The following TEPSIN variants were observed in gnomAD, a reference collection of about 807,000 sequenced individuals.
TEPSIN encodes the protein AP-4 complex accessory subunit tepsin.
TEPSIN carries 50 observed loss-of-function variants against 48.5 expected under a neutral mutation model. That is an observed-to-expected ratio of 1.03 (90% CI 0.82 to 1.31). The LOEUF is 1.31. Ranked by LOEUF, TEPSIN falls within the 50% of genes most tolerant of loss-of-function variation. The probability of loss-of-function intolerance (pLI) is 0.00; values close to 1 mark genes in which losing one functional copy is unlikely to be tolerated. For synonymous variants in TEPSIN, 392 were observed against 358.8 expected (o/e 1.09, Z -1.05); for missense variants, 838 against 815.9 (o/e 1.03, Z -0.33).
Position 81,233,839 on chromosome 17 carries a change from G to GA in TEPSIN, c.376-124_376-123insT. On this transcript the variant is annotated intron_variant, in intron 5 of 12. Transcript: ENST00000637944. This position sits in a 1 kb window ranked among gnomAD's most constrained non-coding sequence, Gnocchi z 5.8. ...CTCCTGAGCCACTCAGCTGGACACA[G>GA]GCTCTGTGTCCACCAGCAAGGAGCA... 6 of 1,369,654 alleles carry GA rather than the reference G, an allele frequency of 4.4e-6. No individual in the cohort carries two copies. The highest frequency in any genetic ancestry group is 5.9e-6 in the Non-Finnish European group (6 of 1,016,108). The allele number at this position is 1,369,654 out of a possible 1,614,324, so 84.8% of individuals were successfully genotyped here. A position where few individuals can be genotyped will look rare whatever the true frequency, so the allele number is the denominator to read the frequency against.
At chr17:81,231,825 A>T (rs368569485) in intron 9 of TEPSIN, 22 bp downstream of exon 9, 7 of 1,611,292 alleles carry the variant, frequency 4.3e-6, no homozygotes, top group Non-Finnish European at 1.7e-6. Flanking sequence ...CCTCTCCCAC[A>T]TATCTGGCAG....
chr17:81,237,014 C>T lies in TEPSIN; in HGVS notation c.179G>A (p.Arg60His), dbSNP rs142569879. Residue 60 changes from arginine (R) to histidine (H), a missense_variant, in exon 3 of 13, where the codon CGC (arginine) becomes CAC (histidine). By Grantham distance (29) the Arg-to-His change is conservative. Transcript: ENST00000637944. ...CCCGTGGCCGGAGCTGCTGTGCAGG[C>T]GGCTCAGGAGGTACTCCAGCAGGCA... ...SQCLLEYLLS[R>H]LHSSSGHGKL... The T allele has an allele frequency of 8.8e-6, 14 of 1,595,910 alleles. No homozygotes were observed. The highest frequency in any genetic ancestry group is 1.7e-5 in the Admixed American group (1 of 58,118).
intron 1 of TEPSIN, chr17:81,238,199 C>G (rs148545918): frequency 0.011 from 10,585 of 985,488 alleles, 70 homozygotes; most frequent in Non-Finnish European, 0.012. Context: ...GAAGTGTTTC[C>G]CGAGGCTGTG....
chr17:81,234,242 C>T lies in TEPSIN; in HGVS notation c.308-194G>A. ...GAGCAGACCCTCAGCTCCCCCTCAC[C>T]CATGCCCCACAGAGGCGAGACTCTC... On this transcript the variant is annotated intron_variant, in intron 4 of 12. Coordinates refer to ENST00000637944, the MANE Select transcript of TEPSIN (RefSeq NM_001363764.2). The surrounding 1 kb of genome is among the most constrained non-coding windows in gnomAD (Gnocchi z 5.4). The T allele has an allele frequency of 2.1e-6, 1 of 466,898 alleles. No individual in the cohort carries two copies. Among genetic ancestry groups the T allele is most frequent in the East Asian group, 3.5e-5 (1 of 28,200 alleles). The allele number at this position is 466,898 out of a possible 1,614,324, so 28.9% of individuals were successfully genotyped here. A position where few individuals can be genotyped will look rare whatever the true frequency, so the allele number is the denominator to read the frequency against.
Position 81,230,572 on chromosome 17 carries a change from G to T in TEPSIN, c.1205C>A (p.Pro402Gln), listed in dbSNP as rs749026874. 6.2e-7 allele frequency: 1 copy of T among 1,611,614 alleles called. No individual in the cohort carries two copies. Among genetic ancestry groups the T allele is most frequent in the African/African-American group, 1.3e-5 (1 of 74,814 alleles). Residue 402 changes from proline (P) to glutamine (Q), a missense_variant, in exon 12 of 13, where the codon CCG (proline) becomes CAG (glutamine). Pro to Gln is a moderately conservative substitution (Grantham distance 76). Transcript: ENST00000637944. This position sits in a 1 kb window ranked among gnomAD's most constrained non-coding sequence, Gnocchi z 4.2. The part of the protein sequence containing the change: ...PWLQELSMGS[P>Q]GPVTNKATKI... ...GGTGGCCTTGTTGGTCACAGGTCCC[G>T]GGCTGCCCATGCTGAGCTCCTGCAG...
Position 81,231,939 on chromosome 17 carries a change from G to T in TEPSIN, c.813C>A (p.Asn271Lys), listed in dbSNP as rs780868454. 1.2e-6 allele frequency: 2 copies of T among 1,613,654 alleles called. No individual in the cohort carries two copies. The highest frequency in any genetic ancestry group is 1.7e-6 in the Non-Finnish European group (2 of 1,180,004). Residue 271 changes from asparagine (N) to lysine (K), a missense_variant, in exon 9 of 13, where the codon AAC (asparagine) becomes AAA (lysine). Physicochemically the swap from Asn to Lys is moderately conservative, Grantham distance 94. Transcript: ENST00000637944. The stretch of plus-strand genomic sequence containing the variant: ...AGTCCGAGACCCTGCTCAGGTCGCT[G>T]TTCTGGGAGGAATTCTGAGAGCTGG... Reference protein sequence around the residue: ...SGPSSQNSSQNSDLSRVSDSG... With the variant: ...SGPSSQNSSQKSDLSRVSDSG...
intron 11 of TEPSIN, chr17:81,231,015 T>C: frequency 2.1e-6 from 1 of 479,894 alleles, no homozygotes. Context: ...CCCGATTGCC[T>C]TACCTTCATT....
At position 81,233,386 on chromosome 17, in the gene TEPSIN, C is replaced by T. The variant is rs1261071336; in HGVS notation, c.526+46G>A. On this transcript the variant is annotated intron_variant, in intron 7 of 12. Coordinates refer to ENST00000637944, the MANE Select transcript of TEPSIN (RefSeq NM_001363764.2). The surrounding 1 kb of genome is among the most constrained non-coding windows in gnomAD (Gnocchi z 5.8). ...GTCCGGCCCCCACCACCTCCTCATCCCCACACCCTGAGATGCCAGAGCCCA... is the reference window on the plus strand; with the variant it reads ...GTCCGGCCCCCACCACCTCCTCATCTCCACACCCTGAGATGCCAGAGCCCA... The T allele has an allele frequency of 6.2e-7, 1 of 1,600,430 alleles. No individual in the cohort carries two copies. The highest frequency in any genetic ancestry group is 1.7e-5 in the Admixed American group (1 of 58,614).
chr17:81,228,416 G>GT lies in TEPSIN; in HGVS notation c.*511_*512insA. 8.6e-5 allele frequency: 16 copies of GT among 185,284 alleles called. No homozygotes were observed. The highest frequency in any genetic ancestry group is 1.3e-4 in the Non-Finnish European group (12 of 90,184). The allele number at this position is 185,284 out of a possible 1,614,324, so 11.5% of individuals were successfully genotyped here. ...AGCCTAAAGGAGCAGGTGAGAGCCA[G>GT]GGAAGGATCACGTAGGGATCTGAGA... On this transcript the variant is annotated 3_prime_UTR_variant, in exon 13 of 13. Coordinates refer to ENST00000637944, the MANE Select transcript of TEPSIN (RefSeq NM_001363764.2).
At position 81,231,010 on chromosome 17, in the gene TEPSIN, T is replaced by C. The variant is rs566219192; in HGVS notation, c.1099-332A>G. The C allele has an allele frequency of 3.3e-4, 160 of 483,978 alleles. 1 individual carries two copies. The South Asian group carries it at 3.7e-3, about 11-fold the overall frequency. The allele number at this position is 483,978 out of a possible 1,614,324, so 30.0% of individuals were successfully genotyped here. A position where few individuals can be genotyped will look rare whatever the true frequency, so the allele number is the denominator to read the frequency against. ...AGAAGCACGTGACCTGCTGCCCCGATTGCCTTACCTTCATTCCTCCGCACG... is the reference window on the plus strand; with the variant it reads ...AGAAGCACGTGACCTGCTGCCCCGACTGCCTTACCTTCATTCCTCCGCACG... On this transcript the variant is annotated intron_variant, in intron 11 of 12. Transcript: ENST00000637944.
Position 81,237,091 on chromosome 17 carries a change from G to A in TEPSIN, c.122-20C>T, listed in dbSNP as rs915306430. 1 of 1,567,222 alleles carries A rather than the reference G, an allele frequency of 6.4e-7. No individual in the cohort carries two copies. Among genetic ancestry groups the A allele is most frequent in the Non-Finnish European group, 8.7e-7 (1 of 1,155,532 alleles). On this transcript the variant is annotated intron_variant, in intron 2 of 12. Coordinates refer to ENST00000637944, the MANE Select transcript of TEPSIN (RefSeq NM_001363764.2). ...AGATTTCTGCGGCACGCTCGGGTTA[G>A]GGAAGGGCGAGATGATGAGGGCTGC...
chr17:81,233,478 G>A lies in TEPSIN; in HGVS notation c.480C>T (p.His160=). Residue 160 remains histidine, a synonymous_variant, in exon 7 of 13, where the codon CAC becomes CAT. Coordinates refer to ENST00000637944, the MANE Select transcript of TEPSIN (RefSeq NM_001363764.2). The surrounding 1 kb of genome is among the most constrained non-coding windows in gnomAD (Gnocchi z 5.8). ...TGTAGCCGAAACCCTGGAGGGTGCT[G>A]TGCGGCCTGGCCTGGGAGCCCATGC... ...ATGMGSQARP[H]STLQGFGYSK... is the part of the protein sequence containing the mutation. 1.2e-6 allele frequency: 2 copies of A among 1,608,060 alleles called. No homozygotes were observed. Among genetic ancestry groups the A allele is most frequent in the East Asian group, 2.2e-5 (1 of 44,826 alleles).
rs540193261 is a variant in TEPSIN at position 81,232,969 on chromosome 17, G to C, written c.527-451C>G. 5 of 237,702 alleles carry C rather than the reference G, an allele frequency of 2.1e-5. No homozygotes were observed. In the Admixed American group the frequency reaches 2.6e-4, roughly 12 times the overall value. 14.7% of individuals were successfully genotyped at this position (237,702 alleles called of 1,614,324 possible). On this transcript the variant is annotated intron_variant, in intron 7 of 12. Transcript: ENST00000637944. ...ACGGTGAGCAGCTACACACCGCCCA[G>C]GGCCCGGCAGCAGGGCACAGCTGGG...
At chr17:81,237,773 G>A (rs61358226) in intron 1 of TEPSIN, 14,912 of 425,988 alleles carry the variant, frequency 0.035, 1,085 homozygotes, top group African/African-American at 0.2. Flanking sequence ...AAGGCTATTT[G>A]AAGGTACCTC....
At position 81,229,258 on chromosome 17, in the gene TEPSIN, G is replaced by A; in HGVS notation, c.1452C>T (p.Pro484=). 6.3e-7 allele frequency: 1 copy of A among 1,576,448 alleles called. No individual in the cohort carries two copies. The highest frequency in any genetic ancestry group is 8.6e-7 in the Non-Finnish European group (1 of 1,162,266). ...PSSGMPSSPV[P]TPPPDASPIP... Reference sequence around the variant, plus strand: ...TGGGGGAGGCATCTGGGGGTGGGGTGGGCACAGGGCTGGACGGCATCCCAG... The same window carrying A: ...TGGGGGAGGCATCTGGGGGTGGGGTAGGCACAGGGCTGGACGGCATCCCAG... The change falls in exon 13 of 13, where the codon CCC becomes CCT. Residue 484 remains proline, a synonymous_variant. Transcript: ENST00000637944.
At chr17:81,231,043 A>ACACACG in intron 11 of TEPSIN, 1 of 479,946 alleles carries the variant, frequency 2.1e-6, no homozygotes, top group African/African-American at 2.0e-5. Context: ...ACGCCCCCCG[A>ACACACG]CACACGCACA....
Position 81,229,366 on chromosome 17 carries a change from G to A in TEPSIN, c.1344C>T (p.Asp448=), listed in dbSNP as rs570741268. 93 of 1,560,086 alleles carry A rather than the reference G, an allele frequency of 6.0e-5. No homozygotes were observed. Among genetic ancestry groups the A allele is most frequent in the Non-Finnish European group, 7.5e-5 (87 of 1,152,606 alleles). The change falls in exon 13 of 13, where the codon GAC becomes GAT. Residue 448 remains aspartate (D), a synonymous_variant. Coordinates refer to ENST00000637944, the MANE Select transcript of TEPSIN (RefSeq NM_001363764.2). The stretch of plus-strand genomic sequence containing the variant: ...CCTGGCTCCCAGGGAGAGGCACAGC[G>A]TCGGTCAGCAGGTCAGATGGGCCTG... ...ALPGPSDLLT[D]AVPLPGSQVF... is the part of the protein sequence containing the mutation.
Position 81,233,336 on chromosome 17 carries a change from A to C in TEPSIN, c.526+96T>G, listed in dbSNP as rs1311780526. The C allele has an allele frequency of 1.4e-6, 2 of 1,411,122 alleles. No homozygotes were observed. Among genetic ancestry groups the C allele is most frequent in the Non-Finnish European group, 1.9e-6 (2 of 1,038,668 alleles). 87.4% of individuals were successfully genotyped at this position (1,411,122 alleles called of 1,614,324 possible). ...CCATGTAGGGGAGGGGACGGGGGAC[A>C]GCAGCTACTAGATGGGGCGGCATGG... On this transcript the variant is annotated intron_variant, in intron 7 of 12. Coordinates refer to ENST00000637944, the MANE Select transcript of TEPSIN (RefSeq NM_001363764.2). This position sits in a 1 kb window ranked among gnomAD's most constrained non-coding sequence, Gnocchi z 5.8.
At position 81,230,384 on chromosome 17, in the gene TEPSIN, G is replaced by T. The variant is rs886982643; in HGVS notation, c.1233+160C>A. On this transcript the variant is annotated intron_variant, in intron 12 of 12. Transcript: ENST00000637944. This position sits in a 1 kb window ranked among gnomAD's most constrained non-coding sequence, Gnocchi z 4.2. ...AAGGCAATGGGGAGGTGAGGACCCTGACTTGCTGCTGCTCCCTCTGCCAGC... is the reference window on the plus strand; with the variant it reads ...AAGGCAATGGGGAGGTGAGGACCCTTACTTGCTGCTGCTCCCTCTGCCAGC... The T allele has an allele frequency of 3.2e-5, 32 of 1,002,362 alleles. No homozygotes were observed. Among genetic ancestry groups the T allele is most frequent in the Non-Finnish European group, 4.0e-5 (28 of 698,122 alleles). The allele number at this position is 1,002,362 out of a possible 1,614,324, so 62.1% of individuals were successfully genotyped here. A position where few individuals can be genotyped will look rare whatever the true frequency, so the allele number is the denominator to read the frequency against.
Sources: allele counts gnomAD v4.1 joint callset, GRCh38; gene constraint gnomAD v4.1.1; non-coding constraint Gnocchi (gnomAD v3.1); transcripts MANE v1.5; gene names NCBI Gene and HGNC (gene_info 2026-07-23, HGNC 2026-07-21).